The following SLC22A16 variants were observed in gnomAD, a reference collection of about 807,000 sequenced individuals.
SLC22A16 encodes the protein WUGSC:RG331P03.1.
Under a neutral mutation model 52.9 loss-of-function variants are expected in SLC22A16, and 53 were observed. The observed-to-expected ratio is 1.00, with a 90% CI of 0.80 to 1.26. The LOEUF (loss-of-function observed/expected upper bound fraction) is 1.26, where lower values mean the gene tolerates loss of function less well. Ranked by LOEUF, SLC22A16 falls within the 50% of genes most tolerant of loss-of-function variation. The pLI is 0.00. For synonymous variants in SLC22A16, 291 were observed against 268.8 expected, an observed-to-expected ratio of 1.08 and a Z score of -0.81; for missense variants, 726 against 704.0, an observed-to-expected ratio of 1.03 and a Z score of -0.35.
chr6:110,463,012 T>C (rs1775940182), intron 1 of SLC22A16, among the ~76,000 whole-genome samples: 1 of 151,536 alleles, frequency 6.6e-6, no homozygotes, highest in South Asian at 2.1e-4. Flanking sequence ...AAGAATTTTA[T>C]ATCCTGCCAA....
Position 110,463,805 on chromosome 6 carries a change from C to T in SLC22A16, c.54-6788G>A, listed in dbSNP as rs148407431. 3.7e-3 allele frequency among the ~76,000 whole-genome samples: 569 copies of T among 151,894 alleles called. 3 individuals carry two copies. Among genetic ancestry groups the T allele is most frequent in the Admixed American group, 0.016 (242 of 15,274 alleles). Reference sequence around the variant, plus strand: ...GACCAAATGGACTAAGAGACACCTACAGAACATTCCACCCAACAACCACAG... The same window carrying T: ...GACCAAATGGACTAAGAGACACCTATAGAACATTCCACCCAACAACCACAG... On this transcript the variant is annotated intron_variant, in intron 1 of 7. Transcript: ENST00000368919.
intron 2 of SLC22A16, 108 bp downstream of exon 2, chr6:110,456,430 G>C: frequency 1.5e-6 from 2 of 1,322,584 alleles, no homozygotes; most frequent in South Asian, 1.4e-5. Flanking sequence ...TATTTAGATA[G>C]GAAGTATAAA....
At chr6:110,454,973 CATATA>C (rs995953724) in intron 2 of SLC22A16, among the ~76,000 whole-genome samples, 11 of 88,318 alleles carry the variant, frequency 1.2e-4, no homozygotes, top group Admixed American at 1.9e-4. Flanking sequence ...ATTACATGTA[CATATA>C]ATATATTTAT....
chr6:110,458,984 CAT>C (rs893857490), intron 1 of SLC22A16, among the ~76,000 whole-genome samples: 62 of 151,946 alleles, frequency 4.1e-4, no homozygotes, highest in African/African-American at 1.5e-3. Flanking sequence ...TAATAAGTCT[CAT>C]ATATGTGTGT....
In SLC22A16 at chr6:110,456,864, C is replaced by T. The variant is rs374020837; in HGVS notation, c.207G>A (p.Trp69Ter). 1.2e-5 allele frequency: 19 copies of T among 1,613,974 alleles called. No homozygotes were observed. The Admixed American group carries it at 3.2e-4, about 27-fold the overall frequency. ...SQVVFHNHSN[W>*]SLEDTGALLS... ...ACAGGGCCCCGGTGTCCTCCAAACT[C>T]CAATTAGAGTGATTATGGAAAACAA... The change falls in exon 2 of 8, where the codon TGG (tryptophan) becomes TGA (stop). Residue 69 changes from tryptophan to a stop codon, truncating the protein, a stop_gained. Coordinates refer to ENST00000368919, the MANE Select transcript of SLC22A16 (RefSeq NM_033125.4). LOFTEE classifies it high-confidence loss of function.
intron 7 of SLC22A16, among the ~76,000 whole-genome samples, chr6:110,429,358 A>G (rs1002006328): frequency 2.0e-5 from 3 of 152,070 alleles, no homozygotes; most frequent in Admixed American, 6.5e-5. Flanking sequence ...CATGGGAGAC[A>G]CTCATGCCAA....
At chr6:110,455,727 G>T (rs559833778) in intron 2 of SLC22A16, 35 of 152,286 alleles carry the variant, frequency 2.3e-4, no homozygotes, top group African/African-American at 8.2e-4. Context: ...AATCTCCAGT[G>T]CAACACTATT....
intron 1 of SLC22A16, among the ~76,000 whole-genome samples, chr6:110,464,034 T>C (rs1258289117): frequency 6.6e-6 from 1 of 152,020 alleles, no homozygotes. Context: ...AACAACTTGC[T>C]CCTGAATGAC....
chr6:110,470,001 T>A (rs925771431), intron 1 of SLC22A16, among the ~76,000 whole-genome samples: 1 of 152,198 alleles, frequency 6.6e-6, no homozygotes, highest in African/African-American at 2.4e-5. Flanking sequence ...GGTGAAAGTA[T>A]GATAAAAGTG....
At chr6:110,470,356 A>G (rs1412004960) in intron 1 of SLC22A16, among the ~76,000 whole-genome samples, 1 of 152,182 alleles carries the variant, frequency 6.6e-6, no homozygotes, top group Non-Finnish European at 1.5e-5. Context: ...TGCAAACAGC[A>G]GGCATGTTTA....
In SLC22A16 at chr6:110,448,760, C is replaced by G. The variant is rs763762570; in HGVS notation, c.534-1770G>C. On this transcript the variant is annotated intron_variant, in intron 2 of 7. Coordinates refer to ENST00000368919, the MANE Select transcript of SLC22A16 (RefSeq NM_033125.4). ...GAACAGAGACCATCAAAGAGGAAGACCCACAACTTCCTGCTCTGTCCACTT... is the reference window on the plus strand; with the variant it reads ...GAACAGAGACCATCAAAGAGGAAGAGCCACAACTTCCTGCTCTGTCCACTT... Among the ~76,000 whole-genome samples the G allele has an allele frequency of 4.2e-4, 64 of 152,298 alleles. No homozygotes were observed. In the Middle Eastern group the frequency reaches 0.01, roughly 24 times the overall value.
chr6:110,424,927 A>G lies in SLC22A16; in HGVS notation c.1680T>C (p.Ser560=). Reference sequence around the variant, plus strand: ...TAATCGCTTCCGTTTTTTCCAGCCCACTATTATTAGTTGTGAGAAGTAATT... The same window carrying G: ...TAATCGCTTCCGTTTTTTCCAGCCCGCTATTATTAGTTGTGAGAAGTAATT... ...SSKLLLTTNN[S]GLEKTEAITP... Residue 560 remains serine (S), a synonymous_variant, in exon 8 of 8, where the codon AGT becomes AGC. Transcript: ENST00000368919. The G allele has an allele frequency of 6.2e-7, 1 of 1,614,044 alleles. No individual in the cohort carries two copies. Among genetic ancestry groups the G allele is most frequent in the East Asian group, 2.2e-5 (1 of 44,866 alleles).
intron 1 of SLC22A16, chr6:110,476,274 G>C (rs1014575077): frequency 1.9e-4 from 232 of 1,239,362 alleles, no homozygotes; most frequent in Middle Eastern, 1.8e-3. Flanking sequence ...CCTCCTGCCC[G>C]GCAACAGGCG....
At chr6:110,475,140 C>G in intron 1 of SLC22A16, 1 of 388,506 alleles carries the variant, frequency 2.6e-6, no homozygotes, top group Non-Finnish European at 5.1e-6. Context: ...ATCTTTTAAC[C>G]TCTGTGCTAT....
In SLC22A16 at chr6:110,424,920, C is replaced by G; in HGVS notation, c.1687G>C (p.Glu563Gln). The part of the protein sequence containing the change: ...LLLTTNNSGL[E>Q]KTEAITPRDS... ...CTGGGGGTAATCGCTTCCGTTTTTT[C>G]CAGCCCACTATTATTAGTTGTGAGA... Residue 563 changes from glutamate to glutamine, a missense_variant, in exon 8 of 8, where the codon GAA (glutamate) becomes CAA (glutamine). Coordinates refer to ENST00000368919, the MANE Select transcript of SLC22A16 (RefSeq NM_033125.4). The G allele has an allele frequency of 6.2e-7, 1 of 1,614,078 alleles. No homozygotes were observed. Among genetic ancestry groups the G allele is most frequent in the African/African-American group, 1.3e-5 (1 of 75,020 alleles).
intron 2 of SLC22A16, among the ~76,000 whole-genome samples, chr6:110,454,670 T>A (rs1358572828): frequency 2.7e-5 from 2 of 73,012 alleles, no homozygotes; most frequent in Non-Finnish European, 4.5e-5. Flanking sequence ...TATATATTTA[T>A]ATATATTATA....
intron 5 of SLC22A16, among the ~76,000 whole-genome samples, chr6:110,437,327 T>TC (rs560921340): frequency 3.4e-4 from 51 of 149,988 alleles, no homozygotes; most frequent in African/African-American, 1.3e-3. Flanking sequence ...ACTCAAAGGT[T>TC]CTGGTGTTCC....
chr6:110,467,318 C>T (rs919587197), intron 1 of SLC22A16, among the ~76,000 whole-genome samples: 3 of 152,174 alleles, frequency 2.0e-5, no homozygotes, highest in African/African-American at 7.2e-5. Context: ...TTCTAGTCCC[C>T]ACTTTTCCTT....
At chr6:110,441,623 G>T (rs221712) in intron 4 of SLC22A16, among the ~76,000 whole-genome samples, 1 of 151,992 alleles carries the variant, frequency 6.6e-6, no homozygotes, top group Non-Finnish European at 1.5e-5. Context: ...CTGCTTATGA[G>T]GAGAGTGTTT....
Sources: allele counts gnomAD v4.1 joint callset (sites outside exome capture counted in the v4.1 genomes callset), GRCh38; gene constraint gnomAD v4.1.1; transcripts MANE v1.5; gene names NCBI Gene and HGNC (gene_info 2026-07-23, HGNC 2026-07-21).